CES5A: variants seen among roughly 807,000 people sequenced by gnomAD.
CES5A encodes the protein carboxylesterase 5.
CES5A carries 67 observed loss-of-function variants against 62.9 expected under a neutral mutation model. The ratio of observed to expected loss-of-function variants is 1.07; its 90% CI spans 0.88 to 1.31. The LOEUF is 1.31. CES5A is among the 50% of genes most tolerant of loss of function. The probability of loss-of-function intolerance (pLI) is 0.00; values close to 1 mark genes in which losing one functional copy is unlikely to be tolerated. For synonymous variants in CES5A, 296 were observed against 280.8 expected (o/e 1.05, Z -0.54); for missense variants, 748 against 708.5 (o/e 1.06, Z -0.63).
intron 1 of CES5A, among the ~76,000 whole-genome samples, chr16:55,909,568 G>A (rs1026201956): frequency 2.8e-4 from 21 of 76,342 alleles, no homozygotes; most frequent in Non-Finnish European, 5.0e-4. Flanking sequence ...GCGTGCGCAC[G>A]TGCACACACA....
intron 1 of CES5A, among the ~76,000 whole-genome samples, chr16:55,919,929 C>A (rs1785310490): frequency 6.6e-6 from 1 of 152,142 alleles, no homozygotes; most frequent in African/African-American, 2.4e-5. Flanking sequence ...TCCCTATTCT[C>A]CAGAAGAGAA....
intron 1 of CES5A, among the ~76,000 whole-genome samples, chr16:55,951,736 A>G (rs1002087234): frequency 2.4e-4 from 37 of 152,204 alleles, no homozygotes; most frequent in African/African-American, 7.7e-4. Context: ...TATAACATCA[A>G]TAGAGACGAT....
chr16:55,877,272 C>T (rs1171429296), upstream of CES5A, among the ~76,000 whole-genome samples: 1 of 152,138 alleles, frequency 6.6e-6, no homozygotes, highest in African/African-American at 2.4e-5. Flanking sequence ...AGTGATTATG[C>T]TATCTAAAGA....
At chr16:55,898,513 C>T (rs1199271437) in intron 1 of CES5A, among the ~76,000 whole-genome samples, 1 of 152,104 alleles carries the variant, frequency 6.6e-6, no homozygotes, top group Non-Finnish European at 1.5e-5. Flanking sequence ...AAAAGGAAGA[C>T]TCCAAGTGAA....
chr16:55,868,721 C>T (rs1597123343), intron 4 of CES5A, among the ~76,000 whole-genome samples: 1 of 152,194 alleles, frequency 6.6e-6, no homozygotes, highest in Non-Finnish European at 1.5e-5. Context: ...CTGGCCCCAC[C>T]TCTCACTTCT....
At chr16:55,922,684 T>A (rs2034218527) in intron 1 of CES5A, among the ~76,000 whole-genome samples, 1 of 151,848 alleles carries the variant, frequency 6.6e-6, no homozygotes. Flanking sequence ...ACACACTACA[T>A]AATAAGCCTA....
At chr16:55,929,407 C>T (rs563007395), upstream of CES5A, among the ~76,000 whole-genome samples, 17 of 152,294 alleles carry the variant, frequency 1.1e-4, no homozygotes, top group East Asian at 1.9e-3. Context: ...CATGCCTGCC[C>T]GTACATCCCC....
chr16:55,873,452 A>G (rs1431201063), intron 2 of CES5A, among the ~76,000 whole-genome samples: 2 of 152,146 alleles, frequency 1.3e-5, no homozygotes, highest in Non-Finnish European at 2.9e-5. Flanking sequence ...AGAGGTCACA[A>G]GAAGATACCT....
At chr16:55,887,038 A>T (rs2033823608) in intron 1 of CES5A, among the ~76,000 whole-genome samples, 1 of 152,188 alleles carries the variant, frequency 6.6e-6, no homozygotes, top group South Asian at 2.1e-4. Context: ...TGAACTTGGT[A>T]TCAACACGCT....
intron 6 of CES5A, 146 bp from the exon 7 acceptor site, chr16:55,861,662 T>C: frequency 1.5e-6 from 1 of 670,096 alleles, no homozygotes; most frequent in Non-Finnish European, 2.7e-6. Context: ...CACACCCCTA[T>C]AATTGAAGGT....
intron 1 of CES5A, among the ~76,000 whole-genome samples, chr16:55,922,554 T>A (rs2034216408): frequency 6.6e-6 from 1 of 151,824 alleles, no homozygotes; most frequent in South Asian, 2.1e-4. Flanking sequence ...AAGCAAACAT[T>A]AATAGATCTA....
At chr16:55,916,130 T>A (rs533454140) in intron 1 of CES5A, among the ~76,000 whole-genome samples, 1 of 152,224 alleles carries the variant, frequency 6.6e-6, no homozygotes, top group South Asian at 2.1e-4. Flanking sequence ...ACAGGACCAG[T>A]TGGGTCAGGG....
intron 1 of CES5A, among the ~76,000 whole-genome samples, chr16:55,885,444 T>C (rs987919757): frequency 1.3e-5 from 2 of 152,084 alleles, no homozygotes; most frequent in Non-Finnish European, 2.9e-5. Flanking sequence ...GAGATGCCTA[T>C]GGATGGGAAT....
intron 1 of CES5A, among the ~76,000 whole-genome samples, chr16:55,903,207 T>C (rs1328184648): frequency 6.6e-6 from 1 of 152,018 alleles, no homozygotes; most frequent in African/African-American, 2.4e-5. Flanking sequence ...CCTGGTATGA[T>C]GCTCACCAGT....
rs766193941 is a variant in CES5A, at chr16:55,859,097, A to G, written c.1056+450T>C. On this transcript the variant is annotated intron_variant, in intron 8 of 12. Transcript: ENST00000290567. ...AGTACATACTTGTTGAAAAAATAAA[A>G]TGATTTAACAATTTTGCAGCTTATG... Among the ~76,000 whole-genome samples, 14 of 152,352 alleles carry G rather than the reference A, an allele frequency of 9.2e-5. No homozygotes were observed. In the South Asian group the frequency reaches 2.7e-3, roughly 29 times the overall value.
chr16:55,866,810 C>A (rs1220234077), intron 4 of CES5A, among the ~76,000 whole-genome samples: 1 of 151,750 alleles, frequency 6.6e-6, no homozygotes, highest in East Asian at 1.9e-4. Context: ...TGCACTCCAG[C>A]CTGGGCAATA....
intron 2 of CES5A, among the ~76,000 whole-genome samples, chr16:55,943,350 G>A (rs1350041939): frequency 2.6e-5 from 4 of 152,172 alleles, no homozygotes; most frequent in Non-Finnish European, 5.9e-5. Context: ...GACTCCCAAG[G>A]TCACACACAG....
intron 2 of CES5A, among the ~76,000 whole-genome samples, chr16:55,947,197 A>AGG (rs2034504410): frequency 6.6e-6 from 1 of 152,224 alleles, no homozygotes; most frequent in Admixed American, 6.5e-5. Context: ...ATGTCACACC[A>AGG]GGTTGTTTGC....
intron 1 of CES5A, among the ~76,000 whole-genome samples, chr16:55,913,471 G>A (rs1425378383): frequency 6.6e-5 from 10 of 152,196 alleles, no homozygotes; most frequent in African/African-American, 2.4e-4. Flanking sequence ...TAGCTGATCT[G>A]TTAGTCCTGC....
Sources: gnomAD v4.1 joint callset for allele counts (sites outside exome capture counted in the v4.1 genomes callset) on GRCh38, gnomAD v4.1.1 for gene constraint, MANE v1.5 for transcripts, NCBI Gene and HGNC (gene_info 2026-07-23, HGNC 2026-07-21) for gene names.